DLG2: variants seen among roughly 807,000 people sequenced by gnomAD.
The protein encoded by DLG2 is disks large homolog 2.
A neutral mutation model predicts 132.5 loss-of-function variants in DLG2; 45 were observed. The ratio of observed to expected loss-of-function variants is 0.34; its 90% CI spans 0.27 to 0.44. The LOEUF (loss-of-function observed/expected upper bound fraction) is 0.44, where lower values mean the gene tolerates loss of function less well. Among genes scored for constraint, DLG2 ranks in the 20% least tolerant of loss-of-function variants. The probability of loss-of-function intolerance (pLI) is 1.00; values close to 1 mark genes in which losing one functional copy is unlikely to be tolerated. For synonymous variants in DLG2, 424 were observed against 419.6 expected, an observed-to-expected ratio of 1.01 and a Z score of -0.13; for missense variants, 1,045 against 1,196.9, an observed-to-expected ratio of 0.87 and a Z score of 1.87.
chr11:83,699,313 C>G (rs1006373752), intron 18 of DLG2, among the ~76,000 whole-genome samples: 2 of 152,100 alleles, frequency 1.3e-5, no homozygotes, highest in South Asian at 2.1e-4. Flanking sequence ...GCACAATTCA[C>G]ATTGGGCTAC....
At chr11:84,246,246 T>C (rs1342543745) in intron 8 of DLG2, among the ~76,000 whole-genome samples, 1 of 152,246 alleles carries the variant, frequency 6.6e-6, no homozygotes, top group East Asian at 1.9e-4. Context: ...TGCAAATTGC[T>C]TTCTATTCTG....
chr11:83,942,326 G>GA (rs1565738617), intron 14 of DLG2, among the ~76,000 whole-genome samples: 1 of 150,686 alleles, frequency 6.6e-6, no homozygotes, highest in Admixed American at 6.6e-5. Context: ...ATTATTAAGT[G>GA]AAAAAATCGA....
In DLG2 at chr11:83,544,518, GGCA is replaced by G. The variant is rs894629872; in HGVS notation, c.1941-2663_1941-2661del. ...CTAACTCCAGAATATATAGCTTAGT[GGCA>G]GCAACCTAGGACCAGAACTTGGGTC... On this transcript the variant is annotated intron_variant, in intron 19 of 27. Coordinates refer to ENST00000376104, the MANE Select transcript of DLG2 (RefSeq NM_001142699.3). Among the ~76,000 whole-genome samples the G allele has an allele frequency of 5.3e-5, 8 of 152,140 alleles. No homozygotes were observed. The South Asian group carries it at 1.5e-3, about 28-fold the overall frequency.
At chr11:84,284,588 A>C (rs562768497) in intron 7 of DLG2, among the ~76,000 whole-genome samples, 140 of 152,340 alleles carry the variant, frequency 9.2e-4, no homozygotes, top group Middle Eastern at 3.4e-3. Flanking sequence ...TTGTTTGCAC[A>C]TAGTTCTGCA....
intron 6 of DLG2, among the ~76,000 whole-genome samples, chr11:84,973,464 T>A (rs2054397809): frequency 6.6e-6 from 1 of 152,112 alleles, no homozygotes; most frequent in Non-Finnish European, 1.5e-5. Flanking sequence ...TGCACTCATG[T>A]CTGTCAATCT....
intron 11 of DLG2, among the ~76,000 whole-genome samples, chr11:84,034,151 C>T (rs1318747969): frequency 1.3e-5 from 2 of 151,948 alleles, no homozygotes; most frequent in African/African-American, 4.8e-5. Flanking sequence ...CTTTCAGCAA[C>T]CACCACCCTG....
chr11:83,736,702 G>A (rs951414281), intron 18 of DLG2, among the ~76,000 whole-genome samples: 2 of 152,010 alleles, frequency 1.3e-5, no homozygotes, highest in African/African-American at 4.8e-5. Flanking sequence ...TAAAGTGCCT[G>A]TTTCTTCTCT....
intron 3 of DLG2, among the ~76,000 whole-genome samples, chr11:85,551,330 G>GA (rs576733302): frequency 1.3e-5 from 2 of 151,650 alleles, no homozygotes; most frequent in African/African-American, 4.8e-5. Flanking sequence ...TAAACATCGA[G>GA]AAAAAAAACT....
chr11:83,629,465 T>A (rs1312116499), intron 19 of DLG2, among the ~76,000 whole-genome samples: 1 of 152,174 alleles, frequency 6.6e-6, no homozygotes, highest in East Asian at 1.9e-4. Flanking sequence ...GGTGGAATGA[T>A]TTGCTTTTTT....
At chr11:84,410,466 T>C (rs557181214) in intron 7 of DLG2, among the ~76,000 whole-genome samples, 1 of 152,158 alleles carries the variant, frequency 6.6e-6, no homozygotes, top group African/African-American at 2.4e-5. Context: ...CATCAGTCAA[T>C]TTAGACAGCT....
At chr11:84,011,655 AATCTGGATC>A (rs2154065224) in intron 11 of DLG2, among the ~76,000 whole-genome samples, 1 of 152,160 alleles carries the variant, frequency 6.6e-6, no homozygotes, top group East Asian at 1.9e-4. Flanking sequence ...TAATAAAAAT[AATCTGGATC>A]TACATTTCTG....
intron 7 of DLG2, among the ~76,000 whole-genome samples, chr11:84,364,530 A>C (rs2154424420): frequency 6.6e-6 from 1 of 152,312 alleles, no homozygotes; most frequent in South Asian, 2.1e-4. Context: ...TGCCCTAGCC[A>C]GAACTTCCAA....
At chr11:84,994,514 G>A (rs1050634269) in intron 6 of DLG2, among the ~76,000 whole-genome samples, 2 of 152,014 alleles carry the variant, frequency 1.3e-5, no homozygotes, top group African/African-American at 2.4e-5. Context: ...GACTACCACC[G>A]TCACCACCAC....
chr11:84,912,398 C>T (rs550571011), intron 6 of DLG2, among the ~76,000 whole-genome samples: 30 of 152,334 alleles, frequency 2.0e-4, no homozygotes, highest in African/African-American at 1.9e-4. Flanking sequence ...TCTTGTGATC[C>T]GCCCGCCTGG....
At chr11:85,109,462 A>G (rs182579319) in intron 6 of DLG2, among the ~76,000 whole-genome samples, 1 of 152,208 alleles carries the variant, frequency 6.6e-6, no homozygotes, top group Admixed American at 6.5e-5. Flanking sequence ...AGGTTCTACA[A>G]TACAACTAGG....
At chr11:84,182,528 CAAAAAAGAAA>C (rs1484742082) in intron 8 of DLG2, among the ~76,000 whole-genome samples, 5 of 143,510 alleles carry the variant, frequency 3.5e-5, no homozygotes, top group Non-Finnish European at 1.5e-5. Flanking sequence ...GACCCTGTCT[CAAAAAAGAAA>C]AAAAAAGAAA....
At chr11:85,322,893 C>T (rs1391855420) in intron 3 of DLG2, among the ~76,000 whole-genome samples, 2 of 152,178 alleles carry the variant, frequency 1.3e-5, no homozygotes, top group African/African-American at 4.8e-5. Flanking sequence ...ACCTGCACTA[C>T]CACAAGAGCC....
At chr11:83,932,966 T>C (rs777030135) in intron 14 of DLG2, among the ~76,000 whole-genome samples, 1 of 152,172 alleles carries the variant, frequency 6.6e-6, no homozygotes, top group Non-Finnish European at 1.5e-5. Context: ...CTGCCCATAG[T>C]TCCTGTGAGA....
At chr11:84,187,303 A>C (rs544550715) in intron 8 of DLG2, among the ~76,000 whole-genome samples, 88 of 152,028 alleles carry the variant, frequency 5.8e-4, no homozygotes, top group African/African-American at 2.0e-3. Context: ...TAGACTTACA[A>C]AAGAAGGTAA....
Sources: gnomAD v4.1 joint callset for allele counts (sites outside exome capture counted in the v4.1 genomes callset) on GRCh38, gnomAD v4.1.1 for gene constraint, MANE v1.5 for transcripts, NCBI Gene and HGNC (gene_info 2026-07-23, HGNC 2026-07-21) for gene names.